Variants in CA10 observed in about 807,000 individuals in gnomAD.
CA10 encodes carbonic anhydrase-related protein 10.
CA10 carries 14 observed loss-of-function variants against 44.2 expected under a neutral mutation model. The ratio of observed to expected loss-of-function variants is 0.32; its 90% CI spans 0.21 to 0.50. CA10 has a LOEUF of 0.50. Ranked by LOEUF, CA10 falls within the 20% of genes least tolerant of loss-of-function variation. The probability of loss-of-function intolerance (pLI) is 0.99; values close to 1 mark genes in which losing one functional copy is unlikely to be tolerated. For missense variants in CA10, 350 were observed against 409.7 expected (o/e 0.85, Z 1.26); for synonymous variants, 159 against 141.6 (o/e 1.12, Z -0.87).
intron 2 of CA10, among the ~76,000 whole-genome samples, chr17:52,004,372 C>T (rs1207791939): frequency 1.3e-5 from 2 of 151,800 alleles, no homozygotes; most frequent in Admixed American, 1.3e-4. Context: ...AGAGAAGTAC[C>T]TACCTATTTA....
chr17:51,646,615 C>T (rs996910916), intron 6 of CA10, among the ~76,000 whole-genome samples: 110 of 152,270 alleles, frequency 7.2e-4, no homozygotes, highest in African/African-American at 2.6e-3. Flanking sequence ...GCCTAACCTG[C>T]TGCCTGTTGG....
intron 2 of CA10, among the ~76,000 whole-genome samples, chr17:52,033,411 G>A (rs1356361069): frequency 3.9e-5 from 6 of 152,024 alleles, no homozygotes; most frequent in Non-Finnish European, 5.9e-5. Flanking sequence ...CCTATAATCC[G>A]GAAGTCAAAT....
intron 3 of CA10, among the ~76,000 whole-genome samples, chr17:51,898,125 G>T (rs537757666): frequency 6.6e-6 from 1 of 152,222 alleles, no homozygotes; most frequent in South Asian, 2.1e-4. Flanking sequence ...GGTGAGGCTG[G>T]ACATCCTTGT....
intron 1 of CA10, among the ~76,000 whole-genome samples, chr17:52,155,681 T>C (rs760566885): frequency 3.0e-4 from 45 of 152,252 alleles, no homozygotes; most frequent in Non-Finnish European, 4.7e-4. Context: ...AATGTCTTCA[T>C]AAAGTGCAAA....
At position 52,072,368 on chromosome 17, in the gene CA10, A is replaced by C. The variant is rs760761595; in HGVS notation, c.87T>G (p.His29Gln). 6.8e-6 allele frequency: 11 copies of C among 1,613,428 alleles called. No homozygotes were observed. Among genetic ancestry groups the C allele is most frequent in the Non-Finnish European group, 8.5e-6 (10 of 1,179,578 alleles). ...ISAQQNSPKI[H>Q]EGWWAYKEVV... ...CCTCCTTGTATGCCCACCAGCCTTC[A>C]TGGATTTTTGGTGAATTCTGTTGAG... is the stretch of plus-strand genomic sequence containing the variant. Residue 29 changes from histidine (H) to glutamine (Q), a missense_variant, in exon 2 of 9, where the codon CAT becomes CAG. Physicochemically the swap from His to Gln is conservative, Grantham distance 24 (BLOSUM62 0). Transcript: ENST00000451037.
At position 51,813,801 on chromosome 17, in the gene CA10, TA is replaced by T. The variant is rs200350437; in HGVS notation, c.280-65984del. On this transcript the variant is annotated intron_variant, in intron 3 of 8. Coordinates refer to ENST00000451037, the MANE Select transcript of CA10 (RefSeq NM_020178.5). ...AACCACTCATGGGAAGCAGGTATTA[TA>T]AAAAAAATTCCTACTTTGTAGATAG... is the stretch of plus-strand genomic sequence containing the variant. Among the ~76,000 whole-genome samples, 674 of 152,150 alleles carry T rather than the reference TA, an allele frequency of 4.4e-3. 12 individuals are homozygous for T. Among genetic ancestry groups the T allele is most frequent in the Admixed American group, 0.035 (531 of 15,276 alleles).
chr17:52,116,203 T>C (rs1338764859), intron 1 of CA10, among the ~76,000 whole-genome samples: 2 of 152,196 alleles, frequency 1.3e-5, no homozygotes, highest in African/African-American at 4.8e-5. Flanking sequence ...ATTATTTTCT[T>C]CTTTTTTCAC....
intron 3 of CA10, among the ~76,000 whole-genome samples, chr17:51,925,026 GCTT>G (rs1408510405): frequency 6.6e-6 from 1 of 152,092 alleles, no homozygotes; most frequent in Non-Finnish European, 1.5e-5. Flanking sequence ...CTGATGGCCA[GCTT>G]CTTCTCTTTT....
chr17:51,698,244 C>T (rs1014414664), intron 4 of CA10, among the ~76,000 whole-genome samples: 4 of 152,212 alleles, frequency 2.6e-5, no homozygotes, highest in African/African-American at 9.7e-5. Flanking sequence ...TGCTCTGCTC[C>T]CTCACCTTCC....
intron 1 of CA10, among the ~76,000 whole-genome samples, chr17:52,113,195 T>C (rs1469179613): frequency 6.6e-6 from 1 of 152,188 alleles, no homozygotes; most frequent in Non-Finnish European, 1.5e-5. Context: ...TTTGTCCAGA[T>C]TAGATGCTCA....
intron 1 of CA10, among the ~76,000 whole-genome samples, chr17:52,146,830 T>C (rs1417120088): frequency 6.6e-6 from 1 of 152,198 alleles, no homozygotes; most frequent in Non-Finnish European, 1.5e-5. Flanking sequence ...CATCTGGTGA[T>C]GTTGATGCCC....
At chr17:51,978,018 C>A (rs1445825744) in intron 2 of CA10, among the ~76,000 whole-genome samples, 1 of 151,978 alleles carries the variant, frequency 6.6e-6, no homozygotes, top group Admixed American at 6.6e-5. Context: ...GAGAGAAATT[C>A]AAGAAAGTCC....
chr17:52,003,635 A>G (rs1408492457), intron 2 of CA10, among the ~76,000 whole-genome samples: 3 of 151,948 alleles, frequency 2.0e-5, no homozygotes, highest in African/African-American at 4.8e-5. Context: ...TATTTATCCA[A>G]TGATACTGGA....
intron 3 of CA10, among the ~76,000 whole-genome samples, chr17:51,871,206 G>GC (rs1395261673): frequency 6.7e-6 from 1 of 150,198 alleles, no homozygotes; most frequent in African/African-American, 2.4e-5. Flanking sequence ...CTACAGGTGT[G>GC]CCCAACCATG....
intron 4 of CA10, among the ~76,000 whole-genome samples, chr17:51,726,982 G>A (rs1454247367): frequency 6.6e-6 from 1 of 152,212 alleles, no homozygotes. Context: ...CCTGTTTGTT[G>A]TAGGCAGCTG....
chr17:52,025,150 G>A (rs979328089), intron 2 of CA10, among the ~76,000 whole-genome samples: 8 of 152,006 alleles, frequency 5.3e-5, no homozygotes, highest in African/African-American at 1.9e-4. Flanking sequence ...GGTAAAAAGG[G>A]AAGTCTGATA....
chr17:51,644,881 C>T (rs1329958515), intron 6 of CA10, among the ~76,000 whole-genome samples: 4 of 151,244 alleles, frequency 2.6e-5, no homozygotes, highest in African/African-American at 7.3e-5. Flanking sequence ...TCACTGCCAC[C>T]TCCGCCTCCC....
At chr17:51,805,673 T>G (rs1907101919) in intron 3 of CA10, among the ~76,000 whole-genome samples, 1 of 152,240 alleles carries the variant, frequency 6.6e-6, no homozygotes, top group African/African-American at 2.4e-5. Flanking sequence ...TCGACAGTTT[T>G]TAGTAAATTG....
At chr17:51,868,616 A>G (rs1485423864) in intron 3 of CA10, among the ~76,000 whole-genome samples, 8 of 152,210 alleles carry the variant, frequency 5.3e-5, no homozygotes, top group Non-Finnish European at 1.2e-4. Flanking sequence ...TGATTTAGCT[A>G]CATCTCTAAC....
Sources: gnomAD v4.1 joint callset for allele counts (sites outside exome capture counted in the v4.1 genomes callset) on GRCh38, gnomAD v4.1.1 for gene constraint, MANE v1.5 for transcripts, NCBI Gene and HGNC (gene_info 2026-07-23, HGNC 2026-07-21) for gene names.